The following CORIN variants were observed in gnomAD, a reference collection of about 807,000 sequenced individuals.
CORIN encodes corin, serine peptidase.
Under a neutral mutation model 125.3 loss-of-function variants are expected in CORIN, and 117 were observed. The ratio of observed to expected loss-of-function variants is 0.93; its 90% confidence interval spans 0.80 to 1.09. The LOEUF (loss-of-function observed/expected upper bound fraction) is 1.09. CORIN is among the 50% of genes least tolerant of loss of function. The pLI is 0.00. For synonymous variants in CORIN, 450 were observed against 466.4 expected (o/e 0.96, Z 0.45); for missense variants, 1,253 against 1,306.7 (o/e 0.96, Z 0.63).
intron 16 of CORIN, among the ~76,000 whole-genome samples, chr4:47,640,108 C>G (rs1351264172): frequency 6.6e-6 from 1 of 152,130 alleles, no homozygotes; most frequent in Non-Finnish European, 1.5e-5. Flanking sequence ...AAAGTATCTG[C>G]ATGTCTATTT....
intron 11 of CORIN, among the ~76,000 whole-genome samples, 177 bp from the exon 12 acceptor site, chr4:47,662,033 T>G (rs3817090): frequency 6.6e-6 from 1 of 152,164 alleles, no homozygotes; most frequent in Non-Finnish European, 1.5e-5. Flanking sequence ...GTAATATCTC[T>G]GCAAAGAGTA....
intron 4 of CORIN, among the ~76,000 whole-genome samples, chr4:47,761,989 AATATATACATATATACACACAT>A (rs1311151111): frequency 6.6e-6 from 1 of 152,090 alleles, no homozygotes; most frequent in Non-Finnish European, 1.5e-5. Flanking sequence ...TATACACACA[AATATATACATATATACACACAT>A]ATATATACAC....
chr4:47,713,082 TAGA>T (rs1726922456), intron 5 of CORIN, among the ~76,000 whole-genome samples: 1 of 152,064 alleles, frequency 6.6e-6, no homozygotes, highest in Non-Finnish European at 1.5e-5. Flanking sequence ...TGAAAAAAAT[TAGA>T]AGAATAGAAA....
intron 5 of CORIN, among the ~76,000 whole-genome samples, chr4:47,734,577 T>G (rs2109820906): frequency 6.6e-6 from 1 of 152,364 alleles, no homozygotes; most frequent in Middle Eastern, 3.4e-3. Flanking sequence ...CTTTTAACAT[T>G]CTGTTTCTTA....
intron 10 of CORIN, among the ~76,000 whole-genome samples, chr4:47,667,023 T>C (rs1325294590): frequency 6.6e-6 from 1 of 152,132 alleles, no homozygotes; most frequent in Admixed American, 6.5e-5. Context: ...AATCCCCACT[T>C]GTTGTGGGAG....
intron 15 of CORIN, chr4:47,642,927 CATA>C: frequency 8.6e-6 from 13 of 1,514,026 alleles, no homozygotes; most frequent in Non-Finnish European, 1.1e-5. Flanking sequence ...AACGTTTTTC[CATA>C]CAATATAGAT....
intron 10 of CORIN, among the ~76,000 whole-genome samples, chr4:47,671,731 C>T (rs1223419631): frequency 1.3e-5 from 2 of 152,026 alleles, no homozygotes; most frequent in Non-Finnish European, 2.9e-5. Context: ...ACTACAGGCG[C>T]CCGCCACCAT....
intron 6 of CORIN, among the ~76,000 whole-genome samples, chr4:47,686,450 G>GT (rs1479913427): frequency 6.6e-6 from 1 of 152,030 alleles, no homozygotes; most frequent in Non-Finnish European, 1.5e-5. Context: ...CTTGACAACG[G>GT]TATTTTATCC....
chr4:47,744,573 G>C lies in CORIN; in HGVS notation c.628C>G (p.Leu210Val). ...GCCTCACAGAAGGACCTACAGGGCA[G>C]GAGTCCATGACTAAAAAAAAAAAAA... ...IIDGDDSHGL[L>V]PCRSFCEAAK... Residue 210 changes from leucine (L) to valine (V), a missense_variant, in exon 5 of 22, where the codon CTG becomes GTG. Coordinates refer to ENST00000273857, the MANE Select transcript of CORIN (RefSeq NM_006587.4). The C allele has an allele frequency of 6.3e-7, 1 of 1,588,120 alleles. No individual in the cohort carries two copies. Among genetic ancestry groups the C allele is most frequent in the South Asian group, 1.2e-5 (1 of 85,962 alleles).
At chr4:47,729,817 G>A (rs535864990) in intron 5 of CORIN, among the ~76,000 whole-genome samples, 1 of 152,198 alleles carries the variant, frequency 6.6e-6, no homozygotes, top group Admixed American at 6.5e-5. Flanking sequence ...GCTGAATATC[G>A]GAACCAGCAG....
intron 17 of CORIN, among the ~76,000 whole-genome samples, chr4:47,625,355 T>C (rs1388469057): frequency 6.6e-6 from 1 of 152,172 alleles, no homozygotes; most frequent in Non-Finnish European, 1.5e-5. Flanking sequence ...ATTGCAGTTA[T>C]ATAAGATAAC....
At chr4:47,620,020 T>A (rs1722243320) in intron 19 of CORIN, among the ~76,000 whole-genome samples, 1 of 152,206 alleles carries the variant, frequency 6.6e-6, no homozygotes, top group Admixed American at 6.5e-5. Context: ...CTAGTTAGAT[T>A]TTTTTAATGC....
chr4:47,666,629 G>A (rs1724496231), intron 10 of CORIN, among the ~76,000 whole-genome samples: 1 of 152,104 alleles, frequency 6.6e-6, no homozygotes, highest in South Asian at 2.1e-4. Flanking sequence ...GTTTCAATGA[G>A]GTCTAGATGA....
intron 16 of CORIN, among the ~76,000 whole-genome samples, chr4:47,631,568 G>A (rs1461150580): frequency 6.6e-6 from 1 of 152,024 alleles, no homozygotes; most frequent in Non-Finnish European, 1.5e-5. Context: ...ACATTATGGT[G>A]AGTAGTATAA....
intron 19 of CORIN, among the ~76,000 whole-genome samples, chr4:47,604,320 A>G (rs1721563029): frequency 6.6e-6 from 1 of 152,146 alleles, no homozygotes; most frequent in East Asian, 1.9e-4. Context: ...CCATGTTGAA[A>G]TGCTCTGGAA....
chr4:47,731,085 G>C (rs562787941), intron 5 of CORIN, among the ~76,000 whole-genome samples: 23 of 152,168 alleles, frequency 1.5e-4, no homozygotes, highest in Non-Finnish European at 1.2e-4. Flanking sequence ...CAGGTATGGA[G>C]TGAAAGAGAA....
chr4:47,747,319 G>T (rs900608885), intron 4 of CORIN, among the ~76,000 whole-genome samples: 1 of 151,952 alleles, frequency 6.6e-6, no homozygotes, highest in Non-Finnish European at 1.5e-5. Context: ...TTTAAAAGAA[G>T]ACTGCTCACT....
intron 17 of CORIN, among the ~76,000 whole-genome samples, chr4:47,626,179 A>G (rs1250653903): frequency 1.3e-5 from 2 of 152,226 alleles, no homozygotes; most frequent in African/African-American, 2.4e-5. Context: ...TCTCCTCGCC[A>G]TGATAGTTTC....
At chr4:47,753,747 T>C (rs1729014155) in intron 4 of CORIN, among the ~76,000 whole-genome samples, 1 of 152,154 alleles carries the variant, frequency 6.6e-6, no homozygotes, top group South Asian at 2.1e-4. Context: ...GCTGTTACTC[T>C]GTTTTTTTTC....
Sources: gnomAD v4.1 joint callset for allele counts (sites outside exome capture counted in the v4.1 genomes callset) on GRCh38, gnomAD v4.1.1 for gene constraint, MANE v1.5 for transcripts, NCBI Gene and HGNC (gene_info 2026-07-23, HGNC 2026-07-21) for gene names.